Variants in PCNX3 observed in about 807,000 individuals in gnomAD.
The protein encoded by PCNX3 is pecanex-like protein 3.
In PCNX3, 58 loss-of-function variants were observed where a neutral mutation model predicts 207.2. That is an observed-to-expected ratio of 0.28 (90% CI 0.23 to 0.35). The LOEUF (loss-of-function observed/expected upper bound fraction) is 0.35. PCNX3 is among the 10% of genes least tolerant of loss of function. The probability of loss-of-function intolerance (pLI) is 1.00; values close to 1 mark genes in which losing one functional copy is unlikely to be tolerated. For missense variants in PCNX3, 2,410 were observed against 2,774.4 expected (o/e 0.87, Z 2.95); for synonymous variants, 1,337 against 1,183.5 (o/e 1.13, Z -2.66).
At chr11:65,620,295 T>C in intron 8 of PCNX3, 44 bp from the exon 9 acceptor site, 1 of 1,575,000 alleles carries the variant, frequency 6.3e-7, no homozygotes, top group Non-Finnish European at 8.6e-7. Context: ...GCCTTGGTGC[T>C]TCTGTCTCTG....
chr11:65,619,379 G>GAAACTGAGC, intron 6 of PCNX3, 158 bp from the exon 7 acceptor site: 1 of 942,902 alleles, frequency 1.1e-6, no homozygotes, highest in South Asian at 4.9e-5. Context: ...TGCAAGTAAG[G>GAAACTGAGC]AAACTGAGCA....
chr11:65,629,310 C>G, intron 24 of PCNX3, 47 bp from the exon 25 acceptor site: 1 of 1,574,598 alleles, frequency 6.4e-7, no homozygotes, highest in Non-Finnish European at 8.7e-7. Context: ...GGTGCACCCT[C>G]TCTTCACCTT....
chr11:65,623,341 CAA>C, intron 11 of PCNX3, 148 bp from the exon 12 acceptor site: 1 of 1,000,580 alleles, frequency 1.0e-6, no homozygotes, highest in Admixed American at 3.6e-5. Flanking sequence ...CGCGTCGTCG[CAA>C]AGTTATAGGT....
chr11:65,617,075 G>GGGT, intron 2 of PCNX3, 64 bp downstream of exon 2: 1 of 1,489,782 alleles, frequency 6.7e-7, no homozygotes, highest in Non-Finnish European at 9.1e-7. Flanking sequence ...GAACCTTGCA[G>GGGT]GGTGGAGTAG....
rs762634225 is a variant in PCNX3 at position 65,636,661 on chromosome 11, G to T, written c.5864G>T (p.Ser1955Ile). The T allele has an allele frequency of 1.3e-6, 2 of 1,584,030 alleles. No individual in the cohort carries two copies. The highest frequency in any genetic ancestry group is 8.6e-7 in the Non-Finnish European group (1 of 1,167,636). Residue 1955 changes from serine (S) to isoleucine (I), a missense_variant, in exon 34 of 35, where the codon AGC (serine) becomes ATC (isoleucine). Ser to Ile is a moderately radical substitution (Grantham distance 142). Transcript: ENST00000355703. Reference sequence around the variant, plus strand: ...TCTGACGGGGAGCCAGCCTCAGGGAGCCCCAAAGGAGGTACCCCCAAATCT... The same window carrying T: ...TCTGACGGGGAGCCAGCCTCAGGGATCCCCAAAGGAGGTACCCCCAAATCT... ...GGSDGEPASG[S>I]PKGGTPKSQA...
At position 65,634,543 on chromosome 11, in the gene PCNX3, G is replaced by T; in HGVS notation, c.4707G>T (p.Val1569=). Residue 1569 remains valine (V), a synonymous_variant, in exon 29 of 35, where the codon GTG becomes GTT. Transcript: ENST00000355703. ...TGGGGGTCCTTATGCCACAGCCCGTGGACCAGGATTGGAACTCCCCGCTGG... is the reference window on the plus strand; with the variant it reads ...TGGGGGTCCTTATGCCACAGCCCGTTGACCAGGATTGGAACTCCCCGCTGG... ...QYCASRRSQP[V]DQDWNSPLVT... 1 of 1,594,302 alleles carries T rather than the reference G, an allele frequency of 6.3e-7. No individual in the cohort carries two copies. The highest frequency in any genetic ancestry group is 2.3e-5 in the East Asian group (1 of 44,280).
chr11:65,628,766 T>TGTGGGGGGG, intron 23 of PCNX3, 53 bp from the exon 24 acceptor site: 1 of 302,188 alleles, frequency 3.3e-6, no homozygotes, highest in Non-Finnish European at 5.5e-6. Flanking sequence ...CAGTGGGGGG[T>TGTGGGGGGG]GGTGGGGGGC....
At chr11:65,620,466 T>TG in intron 9 of PCNX3, 37 bp downstream of exon 9, 1 of 1,599,562 alleles carries the variant, frequency 6.3e-7, no homozygotes, top group Non-Finnish European at 8.5e-7. Context: ...GCCATTGTCT[T>TG]GGTGGCCTGC....
chr11:65,621,019 G>A, intron 10 of PCNX3, 53 bp downstream of exon 10: 7 of 1,486,050 alleles, frequency 4.7e-6, no homozygotes, highest in South Asian at 2.7e-5. Context: ...GGGGCGGGCA[G>A]ATCACTGAGT....
chr11:65,626,207 T>C, intron 20 of PCNX3, 153 bp downstream of exon 20: 1 of 1,130,606 alleles, frequency 8.8e-7, no homozygotes, highest in Non-Finnish European at 1.3e-6. Flanking sequence ...TCTGTGTCCG[T>C]GTTGCCCGGC....
rs148275170 is a variant in PCNX3, at chr11:65,628,391, C to T, written c.3703-204C>T. Among the ~76,000 whole-genome samples the T allele has an allele frequency of 8.5e-3, 1,294 of 152,314 alleles. 24 individuals are homozygous for T. The highest frequency in any genetic ancestry group is 0.03 in the African/African-American group (1,245 of 41,560). Reference sequence around the variant, plus strand: ...CTTGTGTGAACTAAATGGCCACCGCCCCCTTTGAGCTCAGGCAGGGGTTGC... The same window carrying T: ...CTTGTGTGAACTAAATGGCCACCGCTCCCTTTGAGCTCAGGCAGGGGTTGC... On this transcript the variant is annotated intron_variant, in intron 22 of 34. Coordinates refer to ENST00000355703, the MANE Select transcript of PCNX3 (RefSeq NM_032223.4).
Position 65,621,386 on chromosome 11 carries a change from C to G in PCNX3, c.2235+420C>G, listed in dbSNP as rs369129887. 6.6e-5 allele frequency among the ~76,000 whole-genome samples: 10 copies of G among 152,346 alleles called. No homozygotes were observed. In the East Asian group the frequency reaches 1.3e-3, roughly 21 times the overall value. On this transcript the variant is annotated intron_variant, in intron 10 of 34. Coordinates refer to ENST00000355703, the MANE Select transcript of PCNX3 (RefSeq NM_032223.4). ...ACTTCCTGTCTCAGTATACTCATTA[C>G]CAGCGCTCTGTCACTCTTAAGAATA...
At position 65,635,438 on chromosome 11, in the gene PCNX3, G is replaced by A. The variant is rs1260652833; in HGVS notation, c.5174G>A (p.Arg1725Gln). Reference sequence around the variant, plus strand: ...CTCAACCGGCGCCACCTCAGCTTCCGAGTCATCAAGGTTGGGCCGGCCCCA... The same window carrying A: ...CTCAACCGGCGCCACCTCAGCTTCCAAGTCATCAAGGTTGGGCCGGCCCCA... ...IMLNRRHLSF[R>Q]VIKVNRECVR... Residue 1725 changes from arginine to glutamine, a missense_variant, in exon 31 of 35, where the codon CGA becomes CAA. Transcript: ENST00000355703. The surrounding 1 kb of genome is among the most constrained non-coding windows in gnomAD (Gnocchi z 9.9). 3 of 1,610,496 alleles carry A rather than the reference G, an allele frequency of 1.9e-6. No homozygotes were observed. The highest frequency in any genetic ancestry group is 2.5e-6 in the Non-Finnish European group (3 of 1,179,390).
Position 65,620,391 on chromosome 11 carries a change from T to C in PCNX3, c.2061T>C (p.Pro687=), listed in dbSNP as rs1254557435. 1.9e-6 allele frequency: 3 copies of C among 1,613,316 alleles called. No homozygotes were observed. The highest frequency in any genetic ancestry group is 3.3e-5 in the Admixed American group (2 of 59,996). ...FGLAGGGYEN[P]VGQQGEQTAN... is the part of the protein sequence containing the mutation. ...TGGCTGGAGGCGGCTACGAGAACCC[T>C]GTAGGGCAGCAAGGGGAGCAGACAG... The change falls in exon 9 of 35, where the codon CCT becomes CCC. Residue 687 remains proline, a synonymous_variant. Coordinates refer to ENST00000355703, the MANE Select transcript of PCNX3 (RefSeq NM_032223.4).
At chr11:65,628,565 CTT>C (rs1291701991) in intron 22 of PCNX3, 28 bp from the exon 23 acceptor site, 10 of 1,604,458 alleles carry the variant, frequency 6.2e-6, no homozygotes, top group Middle Eastern at 1.6e-4. Flanking sequence ...CCCTGCATGT[CTT>C]TTTTCTTCTC....
intron 10 of PCNX3, among the ~76,000 whole-genome samples, chr11:65,621,547 G>A (rs1252563702): frequency 6.6e-6 from 1 of 152,254 alleles, no homozygotes; most frequent in Non-Finnish European, 1.5e-5. Flanking sequence ...GCCACAGATA[G>A]GTTGGGCAGC....
At chr11:65,621,599 C>T (rs1302645063) in intron 10 of PCNX3, among the ~76,000 whole-genome samples, 4 of 152,238 alleles carry the variant, frequency 2.6e-5, no homozygotes, top group African/African-American at 9.6e-5. Flanking sequence ...TCATTTCTTC[C>T]TTGTAACCAT....
intron 22 of PCNX3, 110 bp downstream of exon 22, chr11:65,627,692 C>G (rs1855459382): frequency 7.5e-7 from 1 of 1,338,998 alleles, no homozygotes; most frequent in Admixed American, 1.9e-5. Flanking sequence ...CGCTCTGTAT[C>G]AGCCCCGTGG....
At position 65,623,871 on chromosome 11, in the gene PCNX3, C is replaced by A. The variant is rs1590883247; in HGVS notation, c.2512-58C>A. Reference sequence around the variant, plus strand: ...GTGGTGGAGCTGAACAGGTCTGGGGCCTCTGACCATCCCGTGGGCATCGGC... The same window carrying A: ...GTGGTGGAGCTGAACAGGTCTGGGGACTCTGACCATCCCGTGGGCATCGGC... On this transcript the variant is annotated intron_variant, in intron 12 of 34. Transcript: ENST00000355703. 13 of 1,609,996 alleles carry A rather than the reference C, an allele frequency of 8.1e-6. No individual in the cohort carries two copies. In the East Asian group the frequency reaches 2.5e-4, roughly 30 times the overall value.
Sources: allele counts gnomAD v4.1 joint callset (sites outside exome capture counted in the v4.1 genomes callset), GRCh38; gene constraint gnomAD v4.1.1; non-coding constraint Gnocchi (gnomAD v3.1); transcripts MANE v1.5; gene names NCBI Gene and HGNC (gene_info 2026-07-23, HGNC 2026-07-21).